Variants in SLC25A26 observed in about 807,000 individuals in gnomAD.
SLC25A26 encodes mitochondrial S-adenosylmethionine carrier protein.
A neutral mutation model predicts 37.8 loss-of-function variants in SLC25A26; 36 were observed. The ratio of observed to expected loss-of-function variants is 0.95; its 90% CI spans 0.73 to 1.26. The LOEUF (loss-of-function observed/expected upper bound fraction) is 1.26. Ranked by LOEUF, SLC25A26 falls within the 50% of genes most tolerant of loss-of-function variation. SLC25A26 has a pLI of 0.00. For missense variants in SLC25A26, 390 were observed against 331.1 expected (o/e 1.18, Z -1.38); for synonymous variants, 129 against 122.5 (o/e 1.05, Z -0.35).
intron 5 of SLC25A26, among the ~76,000 whole-genome samples, chr3:66,319,196 T>C (rs1387689468): frequency 1.3e-5 from 2 of 152,228 alleles, no homozygotes; most frequent in Non-Finnish European, 2.9e-5. Context: ...GTGTATATGA[T>C]GGCATAGCTC....
chr3:66,306,201 C>G (rs1451809411), intron 5 of SLC25A26, among the ~76,000 whole-genome samples: 1 of 152,170 alleles, frequency 6.6e-6, no homozygotes, highest in Non-Finnish European at 1.5e-5. Context: ...AGGCTGGTTT[C>G]AAACTCCTGA....
intron 3 of SLC25A26, among the ~76,000 whole-genome samples, chr3:66,260,362 G>T (rs770410838): frequency 6.6e-6 from 1 of 152,240 alleles, no homozygotes; most frequent in East Asian, 1.9e-4. Flanking sequence ...GAGACTGGGT[G>T]GAAAAATATG....
intron 1 of SLC25A26, among the ~76,000 whole-genome samples, chr3:66,142,617 C>T (rs537487052): frequency 3.9e-5 from 6 of 152,114 alleles, no homozygotes; most frequent in Non-Finnish European, 7.4e-5. Context: ...CAGTTTACAC[C>T]CCTTTTGTCC....
intron 5 of SLC25A26, among the ~76,000 whole-genome samples, chr3:66,341,018 GACAGTTTT>G (rs1357046016): frequency 1.6e-4 from 24 of 152,094 alleles, no homozygotes; most frequent in Admixed American, 3.9e-4. Context: ...TGTAAATGGG[GACAGTTTT>G]ACTTCTTTTC....
chr3:66,156,911 C>T (rs2070290966), intron 1 of SLC25A26, among the ~76,000 whole-genome samples: 1 of 152,104 alleles, frequency 6.6e-6, no homozygotes, highest in Non-Finnish European at 1.5e-5. Context: ...ATGCAACTAA[C>T]TTCAGGGCAG....
Position 66,235,335 on chromosome 3 carries a change from T to C in SLC25A26, c.34-1209T>C, listed in dbSNP as rs575434390. Among the ~76,000 whole-genome samples the C allele has an allele frequency of 7.2e-5, 11 of 152,234 alleles. No homozygotes were observed. In the East Asian group the frequency reaches 1.3e-3, roughly 19 times the overall value. On this transcript the variant is annotated intron_variant, in intron 1 of 9. Transcript: ENST00000354883. ...CAGAGTTAGTTCTTAATCAGTTTTTTCCCCCCAAAATCCATTTAGCAGAAA... is the reference window on the plus strand; with the variant it reads ...CAGAGTTAGTTCTTAATCAGTTTTTCCCCCCCAAAATCCATTTAGCAGAAA...
intron 1 of SLC25A26, among the ~76,000 whole-genome samples, chr3:66,168,200 T>TATATACAC (rs1553649663): frequency 1.1e-4 from 13 of 115,488 alleles, no homozygotes; most frequent in East Asian, 6.7e-4. Context: ...TATATATATA[T>TATATACAC]ACACACACAC....
intron 3 of SLC25A26, among the ~76,000 whole-genome samples, chr3:66,257,451 C>T (rs958969649): frequency 4.6e-5 from 7 of 152,130 alleles, no homozygotes; most frequent in Non-Finnish European, 8.8e-5. Flanking sequence ...GACCCTCAGC[C>T]AGACCACTGC....
chr3:66,244,457 C>G (rs981597023), intron 3 of SLC25A26, among the ~76,000 whole-genome samples: 5 of 152,148 alleles, frequency 3.3e-5, no homozygotes, highest in African/African-American at 7.2e-5. Context: ...AACACAATGA[C>G]AAGATTGGTC....
chr3:66,249,214 A>ATGAGTTGGAACGTCAG (rs11270914), intron 3 of SLC25A26, among the ~76,000 whole-genome samples: 5 of 151,828 alleles, frequency 3.3e-5, no homozygotes, highest in African/African-American at 9.7e-5. Context: ...TGGAGTTAGA[A>ATGAGTTGGAACGTCAG]TGAGGTTTTC....
chr3:66,204,921 G>T (rs1430538781), intron 1 of SLC25A26, among the ~76,000 whole-genome samples: 1 of 152,190 alleles, frequency 6.6e-6, no homozygotes, highest in African/African-American at 2.4e-5. Context: ...GGAACTAGCA[G>T]GTAGGGAAGG....
chr3:66,156,514 A>C (rs2070285052), intron 1 of SLC25A26, among the ~76,000 whole-genome samples: 2 of 152,164 alleles, frequency 1.3e-5, no homozygotes. Flanking sequence ...CATACTGGCC[A>C]AAAGTACTAA....
rs149334380 is a variant in SLC25A26 at position 66,184,421 on chromosome 3, C to T, written c.-353-36321C>T. 7.2e-3 allele frequency among the ~76,000 whole-genome samples: 1,101 copies of T among 152,132 alleles called. 10 individuals carry two copies. The highest frequency in any genetic ancestry group is 0.025 in the African/African-American group (1,056 of 41,488). Reference sequence around the variant, plus strand: ...GTCTTAAATTCATCCTCACCCTGAACCTGACCCAAATTCTGACCCTTATCC... The same window carrying T: ...GTCTTAAATTCATCCTCACCCTGAATCTGACCCAAATTCTGACCCTTATCC... On this transcript the variant is annotated intron_variant, in intron 1 of 10. Coordinates refer to the SLC25A26 transcript ENST00000676754.
chr3:66,357,719 A>C (rs1386789944), intron 6 of SLC25A26, among the ~76,000 whole-genome samples: 1 of 152,038 alleles, frequency 6.6e-6, no homozygotes, highest in Non-Finnish European at 1.5e-5. Flanking sequence ...ATTCTTAAAA[A>C]AAAAAAACTT....
intron 5 of SLC25A26, among the ~76,000 whole-genome samples, chr3:66,341,194 A>T (rs966917509): frequency 1.3e-5 from 2 of 152,176 alleles, no homozygotes; most frequent in African/African-American, 4.8e-5. Context: ...GTCACCATTA[A>T]GAATGATATT....
chr3:66,273,416 G>A (rs995831535), intron 5 of SLC25A26, among the ~76,000 whole-genome samples: 8 of 152,002 alleles, frequency 5.3e-5, no homozygotes, highest in Non-Finnish European at 1.0e-4. Flanking sequence ...GAATCCATCT[G>A]GTCCTGGACT....
intron 5 of SLC25A26, among the ~76,000 whole-genome samples, chr3:66,310,299 T>G (rs924644569): frequency 6.6e-6 from 1 of 152,232 alleles, no homozygotes; most frequent in Admixed American, 6.5e-5. Context: ...AAAGTCTGTT[T>G]TGTCAGAGAC....
chr3:66,279,485 A>G (rs1247600518), intron 5 of SLC25A26, among the ~76,000 whole-genome samples: 1 of 152,104 alleles, frequency 6.6e-6, no homozygotes, highest in African/African-American at 2.4e-5. Context: ...AATTTAGTCC[A>G]TTTGTTTGAA....
At chr3:66,199,644 T>A (rs2071085199) in intron 1 of SLC25A26, among the ~76,000 whole-genome samples, 1 of 152,022 alleles carries the variant, frequency 6.6e-6, no homozygotes, top group Admixed American at 6.6e-5. Flanking sequence ...GACCCTTCTT[T>A]ACCTTCATTG....
Sources: gnomAD v4.1 joint callset for allele counts (sites outside exome capture counted in the v4.1 genomes callset) on GRCh38, gnomAD v4.1.1 for gene constraint, MANE v1.5 for transcripts, NCBI Gene and HGNC (gene_info 2026-07-23, HGNC 2026-07-21) for gene names.